VAV1: variants seen among roughly 807,000 people sequenced by gnomAD.
VAV1 encodes proto-oncogene vav.
Under a neutral mutation model 128.1 loss-of-function variants are expected in VAV1, and 33 were observed. The ratio of observed to expected loss-of-function variants is 0.26; its 90% CI spans 0.20 to 0.34. The LOEUF is 0.34. Among genes scored for constraint, VAV1 ranks in the 10% least tolerant of loss-of-function variants. The pLI is 1.00. For synonymous variants in VAV1, 394 were observed against 409.8 expected, an observed-to-expected ratio of 0.96 and a Z score of 0.47; for missense variants, 715 against 1,093.7, an observed-to-expected ratio of 0.65 and a Z score of 4.88.
intron 1 of VAV1, among the ~76,000 whole-genome samples, chr19:6,784,484 A>G (rs1970841049): frequency 6.9e-6 from 1 of 144,918 alleles, no homozygotes; most frequent in Non-Finnish European, 1.5e-5. Flanking sequence ...TTTCCATTCC[A>G]TTCTGTTCCT....
intron 1 of VAV1, among the ~76,000 whole-genome samples, chr19:6,800,442 T>G (rs1288831590): frequency 2.0e-5 from 3 of 151,536 alleles, no homozygotes; most frequent in African/African-American, 4.9e-5. Context: ...TCCAAGTAGC[T>G]GGGACTACAG....
chr19:6,808,639 T>C (rs543347533), intron 1 of VAV1, among the ~76,000 whole-genome samples: 1 of 152,290 alleles, frequency 6.6e-6, no homozygotes, highest in Non-Finnish European at 1.5e-5. Context: ...GCCAGCCAGA[T>C]AAAGGGGCTA....
chr19:6,817,003 A>G (rs1342890376), intron 1 of VAV1, among the ~76,000 whole-genome samples: 1 of 151,900 alleles, frequency 6.6e-6, no homozygotes, highest in African/African-American at 2.4e-5. Context: ...ATGAGAATGG[A>G]GTTAATCTGA....
chr19:6,834,566 A>G (rs1279889719), intron 19 of VAV1, among the ~76,000 whole-genome samples: 1 of 147,276 alleles, frequency 6.8e-6, no homozygotes, highest in African/African-American at 2.5e-5. Context: ...ATTTAAAAAT[A>G]TATGTATTTT....
Position 6,833,940 on chromosome 19 carries a change from G to A in VAV1, c.1764G>A (p.Lys588=). 1 of 1,614,072 alleles carries A rather than the reference G, an allele frequency of 6.2e-7. No homozygotes were observed. The highest frequency in any genetic ancestry group is 8.5e-7 in the Non-Finnish European group (1 of 1,180,014). Residue 588 remains lysine, a synonymous_variant, in exon 19 of 27, where the codon AAG becomes AAA. Coordinates refer to ENST00000602142, the MANE Select transcript of VAV1 (RefSeq NM_005428.4). ...TACATCGCAGGGCTCAGGACAAAAA[G>A]AGGAATGAGCTGGGTGAGTTGGCAG... ...DKLHRRAQDK[K]RNELGLPKME... is the part of the protein sequence containing the mutation.
At chr19:6,803,037 G>C (rs1275454398) in intron 1 of VAV1, among the ~76,000 whole-genome samples, 1 of 152,166 alleles carries the variant, frequency 6.6e-6, no homozygotes. Context: ...ATTGTCCTTC[G>C]GTAGATGAAT....
intron 1 of VAV1, among the ~76,000 whole-genome samples, chr19:6,799,915 T>C (rs1256608636): frequency 6.7e-6 from 1 of 149,396 alleles, no homozygotes; most frequent in Non-Finnish European, 1.5e-5. Context: ...TCTGTACAAG[T>C]CTTTGTATGG....
At chr19:6,835,199 G>GTATATA (rs1042586889) in intron 19 of VAV1, among the ~76,000 whole-genome samples, 1 of 119,004 alleles carries the variant, frequency 8.4e-6, no homozygotes, top group African/African-American at 3.2e-5. Flanking sequence ...ATATATATGT[G>GTATATA]TATATATATA....
At chr19:6,814,609 A>ACTTT (rs149788030) in intron 1 of VAV1, among the ~76,000 whole-genome samples, 48 of 150,042 alleles carry the variant, frequency 3.2e-4, no homozygotes, top group East Asian at 2.5e-3. Context: ...TGCAAAAATG[A>ACTTT]CTTTCTTTCT....
chr19:6,842,968 G>A (rs566657589), intron 21 of VAV1, among the ~76,000 whole-genome samples, 167 bp from the exon 22 acceptor site: 35 of 152,232 alleles, frequency 2.3e-4, no homozygotes, highest in African/African-American at 7.7e-4. Context: ...TCTCTCCCCC[G>A]AGGTTCTGGG....
intron 26 of VAV1, among the ~76,000 whole-genome samples, chr19:6,854,547 T>C (rs1286601375): frequency 6.6e-6 from 1 of 152,002 alleles, no homozygotes; most frequent in East Asian, 1.9e-4. Flanking sequence ...ATCCCACCTC[T>C]ACATAAATAA....
chr19:6,802,317 G>A (rs144645256), intron 1 of VAV1, among the ~76,000 whole-genome samples: 1,680 of 152,010 alleles, frequency 0.011, 47 homozygotes, highest in African/African-American at 0.039. Context: ...TTGTGCACAT[G>A]TACCCTAAAA....
chr19:6,819,696 C>A (rs1971741981), intron 1 of VAV1, among the ~76,000 whole-genome samples: 1 of 152,124 alleles, frequency 6.6e-6, no homozygotes, highest in Non-Finnish European at 1.5e-5. Context: ...TCCAGACTGA[C>A]TTCATGGAGA....
intron 1 of VAV1, among the ~76,000 whole-genome samples, chr19:6,819,276 T>C (rs184375182): frequency 9.9e-5 from 15 of 152,280 alleles, no homozygotes; most frequent in Admixed American, 9.2e-4. Context: ...TGAGCCTTTA[T>C]AGGAACATAT....
intron 19 of VAV1, 131 bp downstream of exon 19, chr19:6,834,084 C>T (rs898791051): frequency 4.5e-6 from 6 of 1,342,192 alleles, no homozygotes; most frequent in Admixed American, 4.0e-5. Flanking sequence ...CACCTGTAAT[C>T]CCAACAATTT....
chr19:6,808,452 A>T (rs986942955), intron 1 of VAV1, among the ~76,000 whole-genome samples: 10 of 152,214 alleles, frequency 6.6e-5, no homozygotes, highest in Non-Finnish European at 1.5e-4. Context: ...AGTAACAAGG[A>T]CTTAAATAAA....
At position 6,829,843 on chromosome 19, in the gene VAV1, T is replaced by TA; in HGVS notation, c.1323_1324insA (p.Asp442ArgfsTer16). 1 of 1,614,212 alleles carries TA rather than the reference T, an allele frequency of 6.2e-7. No homozygotes were observed. The highest frequency in any genetic ancestry group is 1.1e-5 in the South Asian group (1 of 91,086). On this transcript the variant is annotated frameshift_variant, in exon 14 of 27. Coordinates refer to ENST00000602142, the MANE Select transcript of VAV1 (RefSeq NM_005428.4). LOFTEE classifies it high-confidence loss of function. ...TCTGTAAGCGCAGGGGAGACTCCTA[T>TA]GACCTCAAGGACTTTGTAAACCTGC...
rs762320983 is a variant in VAV1, at chr19:6,832,114, C to T, written c.1422C>T (p.Ile474=). The T allele has an allele frequency of 6.9e-5, 112 of 1,613,956 alleles. No homozygotes were observed. The highest frequency in any genetic ancestry group is 6.9e-4 in the South Asian group (63 of 91,084). The change falls in exon 15 of 27, where the codon ATC becomes ATT. Residue 474 remains isoleucine (I), a synonymous_variant. Transcript: ENST00000602142. Reference sequence around the variant, plus strand: ...AGTGGAGCCACATGTTCCTCCTGATCGAGGACCAAGGTGCCCAGGGCTATG... The same window carrying T: ...AGTGGAGCCACATGTTCCTCCTGATTGAGGACCAAGGTGCCCAGGGCTATG... ...NKKWSHMFLL[I]EDQGAQGYEL...
At chr19:6,800,792 T>G (rs913890373) in intron 1 of VAV1, among the ~76,000 whole-genome samples, 1 of 147,612 alleles carries the variant, frequency 6.8e-6, no homozygotes, top group African/African-American at 2.5e-5. Context: ...TGGCAAATTT[T>G]TGTGTGTGTG....
Sources: allele counts gnomAD v4.1 joint callset (sites outside exome capture counted in the v4.1 genomes callset), GRCh38; gene constraint gnomAD v4.1.1; transcripts MANE v1.5; gene names NCBI Gene and HGNC (gene_info 2026-07-23, HGNC 2026-07-21).